The following DLGAP4 variants were observed in gnomAD, a reference collection of about 807,000 sequenced individuals.
The protein encoded by DLGAP4 is DLG associated protein 4.
Under a neutral mutation model 86.9 loss-of-function variants are expected in DLGAP4, and 18 were observed. The ratio of observed to expected loss-of-function variants is 0.21; its 90% CI spans 0.14 to 0.31. The LOEUF (loss-of-function observed/expected upper bound fraction) is 0.31. Among genes scored for constraint, DLGAP4 ranks in the 10% least tolerant of loss-of-function variants. DLGAP4 has a pLI of 1.00. For missense variants in DLGAP4, 1,085 were observed against 1,362.6 expected (o/e 0.80, Z 3.21); for synonymous variants, 548 against 574.3 (o/e 0.95, Z 0.65).
intron 11 of DLGAP4, chr20:36,525,398 GGAGT>G (rs1257896971): frequency 1.3e-4 from 27 of 214,782 alleles, no homozygotes; most frequent in African/African-American, 5.4e-4. Flanking sequence ...GGGAGGCAGT[GGAGT>G]GAGTGTTTGT....
chr20:36,464,033 T>A (rs1211504777), intron 7 of DLGAP4, among the ~76,000 whole-genome samples: 1 of 152,182 alleles, frequency 6.6e-6, no homozygotes, highest in Non-Finnish European at 1.5e-5. Flanking sequence ...AATGACAATC[T>A]CTAACATCCT....
chr20:36,390,916 T>A lies in DLGAP4; in HGVS notation c.-73+23641T>A, dbSNP rs538848027. On this transcript the variant is annotated intron_variant, in intron 2 of 12. Transcript: ENST00000339266. ...CCTTCTCTAGGTTGAACCTTGACCC[T>A]GACCCCAGACTGGGACCTGACCTTG... is the stretch of plus-strand genomic sequence containing the variant. Among the ~76,000 whole-genome samples, 7 of 152,144 alleles carry A rather than the reference T, an allele frequency of 4.6e-5. No homozygotes were observed. The South Asian group carries it at 1.4e-3, about 31-fold the overall frequency.
chr20:36,433,692 C>G (rs1428176328), intron 3 of DLGAP4, among the ~76,000 whole-genome samples: 1 of 151,662 alleles, frequency 6.6e-6, no homozygotes, highest in East Asian at 1.9e-4. Flanking sequence ...ACTCTTGTTG[C>G]CCAGGCTGGA....
At position 36,364,522 on chromosome 20, in the gene DLGAP4, A is replaced by T. The variant is rs576633166; in HGVS notation, c.-303-2523A>T. Among the ~76,000 whole-genome samples the T allele has an allele frequency of 3.4e-4, 52 of 152,296 alleles. No homozygotes were observed. The South Asian group carries it at 0.011, about 32-fold the overall frequency. ...ATTTTTGAGCATTTTCATTACCTCC[A>T]AAAAGAAACCCCACACCCCTTAGCT... On this transcript the variant is annotated intron_variant, in intron 1 of 12. Transcript: ENST00000339266.
At chr20:36,462,081 C>G (rs573293390) in intron 7 of DLGAP4, 10 of 992,318 alleles carry the variant, frequency 1.0e-5, no homozygotes, top group Non-Finnish European at 1.2e-5. Flanking sequence ...GGTTCTGCAC[C>G]CCAAGTCGCT....
chr20:36,326,118 G>GT (rs2065213631), intron 1 of DLGAP4, among the ~76,000 whole-genome samples: 1 of 152,116 alleles, frequency 6.6e-6, no homozygotes. Flanking sequence ...ACCTGTTCGT[G>GT]TTTTTATATC....
chr20:36,436,412 T>G (rs1054013612), intron 4 of DLGAP4, 62 bp downstream of exon 4: 3 of 1,491,952 alleles, frequency 2.0e-6, no homozygotes, highest in Admixed American at 4.5e-5. Context: ...ACTACGAGTC[T>G]TGCTCCCTGG....
At chr20:36,524,515 G>C (rs1460828496) in intron 11 of DLGAP4, among the ~76,000 whole-genome samples, 174 bp downstream of exon 11, 1 of 152,216 alleles carries the variant, frequency 6.6e-6, no homozygotes, top group African/African-American at 2.4e-5. Flanking sequence ...AAGAAAGGGG[G>C]CAAAAGTGGC....
intron 10 of DLGAP4, among the ~76,000 whole-genome samples, chr20:36,511,679 AG>A (rs1235658845): frequency 1.3e-5 from 2 of 151,914 alleles, no homozygotes; most frequent in Non-Finnish European, 1.5e-5. Context: ...GCTCGAGACC[AG>A]CCTGGCCAAC....
chr20:36,462,643 G>A, intron 7 of DLGAP4: 2 of 1,559,388 alleles, frequency 1.3e-6, no homozygotes, highest in Non-Finnish European at 1.7e-6. Flanking sequence ...TGGCCCGCAG[G>A]CTGGCCGCGG....
rs189762903 is a variant in DLGAP4, at chr20:36,323,975, T to C, written c.-304+17463T>C. Among the ~76,000 whole-genome samples, 16 of 152,340 alleles carry C rather than the reference T, an allele frequency of 1.1e-4. No homozygotes were observed. In the East Asian group the frequency reaches 2.9e-3, roughly 27 times the overall value. On this transcript the variant is annotated intron_variant, in intron 1 of 12. Transcript: ENST00000339266. ...CTGGTACAGGTCCATGGCCCAGGAA[T>C]TGGGGACCCATGCTTTATAGCACAA... is the stretch of plus-strand genomic sequence containing the variant.
chr20:36,362,365 G>A (rs73905339), intron 1 of DLGAP4, among the ~76,000 whole-genome samples: 4,773 of 152,276 alleles, frequency 0.031, 244 homozygotes, highest in African/African-American at 0.11. Context: ...CTTCTTGGTC[G>A]CCTGAGGGTG....
At position 36,515,403 on chromosome 20, in the gene DLGAP4, C is replaced by T. The variant is rs77411420; in HGVS notation, c.2513-8847C>T. Among the ~76,000 whole-genome samples the T allele has an allele frequency of 1.0e-3, 159 of 152,260 alleles. 2 individuals carry two copies. Among genetic ancestry groups the T allele is most frequent in the African/African-American group, 3.6e-3 (151 of 41,558 alleles). On this transcript the variant is annotated intron_variant, in intron 10 of 12. Transcript: ENST00000339266. ...TCTCTTTCCATCCATTTACTTTTTACCTTTCACTGTCCTTATTAATCATGT... is the reference window on the plus strand; with the variant it reads ...TCTCTTTCCATCCATTTACTTTTTATCTTTCACTGTCCTTATTAATCATGT...
At chr20:36,331,509 G>A (rs2065267790) in intron 1 of DLGAP4, among the ~76,000 whole-genome samples, 1 of 152,178 alleles carries the variant, frequency 6.6e-6, no homozygotes, top group South Asian at 2.1e-4. Flanking sequence ...CGGGCTGCTG[G>A]CCCCCTGCCG....
In DLGAP4 at chr20:36,515,373, G is replaced by A. The variant is rs1442849421; in HGVS notation, c.2513-8877G>A. The stretch of plus-strand genomic sequence containing the variant: ...ACTTCCTTTGATTAGTGTTTGTCTG[G>A]TATATCTCTTTCCATCCATTTACTT... On this transcript the variant is annotated intron_variant, in intron 10 of 12. Transcript: ENST00000339266. 2.6e-5 allele frequency among the ~76,000 whole-genome samples: 4 copies of A among 152,230 alleles called. No homozygotes were observed. The East Asian group carries it at 5.8e-4, about 22-fold the overall frequency.
At chr20:36,513,686 A>C (rs893409281) in intron 10 of DLGAP4, among the ~76,000 whole-genome samples, 10 of 152,096 alleles carry the variant, frequency 6.6e-5, no homozygotes, top group Admixed American at 5.2e-4. Flanking sequence ...TCTGTGTAAG[A>C]GAGACTTTAA....
chr20:36,310,392 A>G (rs2065044029), intron 1 of DLGAP4, among the ~76,000 whole-genome samples: 1 of 152,046 alleles, frequency 6.6e-6, no homozygotes, highest in Non-Finnish European at 1.5e-5. Context: ...GGGTGCAGTC[A>G]TGGTCGGCAT....
At chr20:36,315,040 G>GTT (rs2065084671) in intron 1 of DLGAP4, among the ~76,000 whole-genome samples, 3 of 3,042 alleles carry the variant, frequency 9.9e-4, no homozygotes, top group East Asian at 0.014. Context: ...ATGTGTGTGT[G>GTT]GTGTGTTGCG....
chr20:36,449,686 C>A (rs2033685997), intron 7 of DLGAP4, among the ~76,000 whole-genome samples: 1 of 152,188 alleles, frequency 6.6e-6, no homozygotes, highest in East Asian at 1.9e-4. Context: ...ATAGACAGCA[C>A]CCCTAGCAAT....
Sources: gnomAD v4.1 joint callset for allele counts (sites outside exome capture counted in the v4.1 genomes callset) on GRCh38, gnomAD v4.1.1 for gene constraint, MANE v1.5 for transcripts, NCBI Gene and HGNC (gene_info 2026-07-23, HGNC 2026-07-21) for gene names.